PARVA: variants seen among roughly 807,000 people sequenced by gnomAD.
PARVA encodes alpha-parvin.
In PARVA, 25 loss-of-function variants were observed where a neutral mutation model predicts 52.6. The observed-to-expected ratio is 0.48, with a 90% CI of 0.35 to 0.66. The LOEUF is 0.66. PARVA is among the 30% of genes least tolerant of loss of function. The pLI, the probability that PARVA is intolerant of heterozygous loss-of-function variation, is 0.01. For missense variants in PARVA, 373 were observed against 450.9 expected (o/e 0.83, Z 1.56); for synonymous variants, 185 against 179.1 (o/e 1.03, Z -0.26).
chr11:12,458,214 G>A (rs1940724761), intron 1 of PARVA, among the ~76,000 whole-genome samples: 1 of 152,224 alleles, frequency 6.6e-6, no homozygotes, highest in Non-Finnish European at 1.5e-5. Context: ...CCAGGAAGGT[G>A]TCTCTTCCCA....
intron 10 of PARVA, 85 bp from the exon 11 acceptor site, chr11:12,517,525 C>T: frequency 2.0e-6 from 2 of 990,642 alleles, no homozygotes; most frequent in South Asian, 2.8e-5. Context: ...CTTCAGGTGG[C>T]ATAGCACAGA....
At chr11:12,485,890 A>C (rs10831833) in intron 4 of PARVA, among the ~76,000 whole-genome samples, 52,265 of 152,006 alleles carry the variant, frequency 0.34, 10,775 homozygotes, top group East Asian at 0.56. Flanking sequence ...AAAATCAAGC[A>C]GTCCTGACCA....
chr11:12,474,076 G>C (rs7109678), intron 3 of PARVA, 93 bp downstream of exon 3: 1,027,251 of 1,027,258 alleles, frequency 1, 513,622 homozygotes, highest in Middle Eastern at 1. Context: ...ACGAGCCCCT[G>C]AGAGAAGGTA....
intron 1 of PARVA, among the ~76,000 whole-genome samples, chr11:12,389,463 T>TTG (rs1939626136): frequency 1.3e-5 from 2 of 152,134 alleles, no homozygotes; most frequent in Admixed American, 1.3e-4. Context: ...TCTCCCCACC[T>TTG]CCCAGCTTCT....
intron 1 of PARVA, among the ~76,000 whole-genome samples, chr11:12,456,351 TAGTC>T (rs1050326396): frequency 2.0e-5 from 3 of 151,844 alleles, no homozygotes; most frequent in Non-Finnish European, 4.4e-5. Flanking sequence ...AGTTAAGTAA[TAGTC>T]AGAGCTGGGA....
intron 1 of PARVA, among the ~76,000 whole-genome samples, chr11:12,402,697 T>C (rs1016721790): frequency 3.3e-5 from 5 of 152,214 alleles, no homozygotes; most frequent in African/African-American, 1.2e-4. Flanking sequence ...TCAATAAATG[T>C]GAAGCAGTGA....
At chr11:12,405,900 A>T (rs59755769) in intron 1 of PARVA, among the ~76,000 whole-genome samples, 2,594 of 152,174 alleles carry the variant, frequency 0.017, 40 homozygotes, top group African/African-American at 0.039. Flanking sequence ...GGAGGTTGCC[A>T]TGAGCTGAGA....
At chr11:12,378,400 A>C (rs796268128) in intron 1 of PARVA, among the ~76,000 whole-genome samples, 34 of 152,250 alleles carry the variant, frequency 2.2e-4, no homozygotes, top group African/African-American at 8.2e-4. Flanking sequence ...TGAATGAGCG[A>C]AAAACTGGCA....
At chr11:12,497,224 AG>A (rs1323129850) in intron 5 of PARVA, among the ~76,000 whole-genome samples, 3 of 152,206 alleles carry the variant, frequency 2.0e-5, no homozygotes, top group African/African-American at 7.2e-5. Flanking sequence ...TGTCTAATAC[AG>A]ACTTAATGAG....
intron 1 of PARVA, among the ~76,000 whole-genome samples, chr11:12,442,956 G>A (rs879532048): frequency 1.4e-5 from 2 of 144,650 alleles, no homozygotes; most frequent in African/African-American, 2.4e-5. Flanking sequence ...CCGCCTCCCG[G>A]GTTCACGCCA....
In PARVA at chr11:12,475,194, C is replaced by T. The variant is rs572252109; in HGVS notation, c.297+1211C>T. ...CCCAGCAGCCGATGCGTGCTCCCAG[C>T]GCTCCCCACCGCCAAAGCCTGGCTA... On this transcript the variant is annotated intron_variant, in intron 3 of 12. Coordinates refer to ENST00000334956, the MANE Select transcript of PARVA (RefSeq NM_018222.5). Among the ~76,000 whole-genome samples, 13 of 152,312 alleles carry T rather than the reference C, an allele frequency of 8.5e-5. No individual in the cohort carries two copies. The East Asian group carries it at 1.2e-3, about 14-fold the overall frequency.
chr11:12,434,510 C>G (rs898812010), intron 1 of PARVA, among the ~76,000 whole-genome samples: 9 of 152,204 alleles, frequency 5.9e-5, no homozygotes, highest in African/African-American at 2.2e-4. Flanking sequence ...GCTTTTCTGG[C>G]TGTCACAGCC....
At chr11:12,398,475 C>T (rs1447022145) in intron 1 of PARVA, 2 of 149,982 alleles carry the variant, frequency 1.3e-5, no homozygotes, top group Non-Finnish European at 3.0e-5. Context: ...ACAGGGGTCC[C>T]TAGAGGCTAG....
chr11:12,513,042 C>A, intron 8 of PARVA: 1 of 652,884 alleles, frequency 1.5e-6, no homozygotes, highest in South Asian at 1.5e-5. Context: ...GTCACACTAC[C>A]TAAAAGAGCC....
intron 1 of PARVA, among the ~76,000 whole-genome samples, chr11:12,445,295 G>A (rs188294513): frequency 5.8e-4 from 88 of 152,276 alleles, no homozygotes; most frequent in African/African-American, 2.0e-3. Context: ...GCCTGAAACG[G>A]GAGGGATGTG....
At chr11:12,508,341 T>G (rs1390095190) in intron 6 of PARVA, among the ~76,000 whole-genome samples, 1 of 152,190 alleles carries the variant, frequency 6.6e-6, no homozygotes, top group East Asian at 1.9e-4. Context: ...AAAGGAAAGA[T>G]TCACCATCCA....
intron 7 of PARVA, among the ~76,000 whole-genome samples, chr11:12,509,460 C>T (rs942329596): frequency 6.6e-6 from 1 of 152,174 alleles, no homozygotes; most frequent in South Asian, 2.1e-4. Flanking sequence ...GCTGTGACTT[C>T]GTTCCCTTGC....
At chr11:12,476,836 C>T (rs965615788) in intron 3 of PARVA, among the ~76,000 whole-genome samples, 2 of 152,214 alleles carry the variant, frequency 1.3e-5, no homozygotes, top group Admixed American at 6.5e-5. Context: ...GATGGCAACG[C>T]TGTCTGGCTA....
At chr11:12,382,072 A>C (rs58515771) in intron 1 of PARVA, among the ~76,000 whole-genome samples, 15,087 of 152,244 alleles carry the variant, frequency 0.099, 1,667 homozygotes, top group African/African-American at 0.28. Context: ...TAGCGTCACA[A>C]GGTGTTTTAA....
Sources: allele counts gnomAD v4.1 joint callset (sites outside exome capture counted in the v4.1 genomes callset), GRCh38; gene constraint gnomAD v4.1.1; transcripts MANE v1.5; gene names NCBI Gene and HGNC (gene_info 2026-07-23, HGNC 2026-07-21).